The following EDIL3 variants were observed in gnomAD, a reference collection of about 807,000 sequenced individuals.
EDIL3 encodes the protein EGF-like repeat and discoidin I-like domain-containing protein 3.
A neutral mutation model predicts 67.4 loss-of-function variants in EDIL3; 37 were observed. The ratio of observed to expected loss-of-function variants is 0.55; its 90% CI spans 0.42 to 0.72. The LOEUF is 0.72. EDIL3 is among the 30% of genes least tolerant of loss of function. The pLI is 0.00. For missense variants in EDIL3, 527 were observed against 586.3 expected (o/e 0.90, Z 1.04); for synonymous variants, 195 against 196.3 (o/e 0.99, Z 0.05).
At chr5:84,332,416 T>C (rs985906257) in intron 1 of EDIL3, among the ~76,000 whole-genome samples, 4 of 152,196 alleles carry the variant, frequency 2.6e-5, no homozygotes, top group Non-Finnish European at 5.9e-5. Context: ...AATACTGCGA[T>C]GGTTGATTTT....
chr5:84,235,679 A>C (rs1420042904), intron 2 of EDIL3, among the ~76,000 whole-genome samples: 1 of 152,100 alleles, frequency 6.6e-6, no homozygotes, highest in Non-Finnish European at 1.5e-5. Context: ...TGTTTAATAC[A>C]GTCATTTGTA....
intron 6 of EDIL3, among the ~76,000 whole-genome samples, chr5:84,073,452 T>C (rs1041080447): frequency 9.9e-4 from 150 of 151,490 alleles, no homozygotes; most frequent in Middle Eastern, 6.8e-3. Flanking sequence ...AAAACCCCAT[T>C]GTCTCAGCCC....
chr5:84,112,058 TTGGTGGG>T (rs1233144190), intron 5 of EDIL3, among the ~76,000 whole-genome samples: 3 of 151,492 alleles, frequency 2.0e-5, no homozygotes, highest in Non-Finnish European at 2.9e-5. Flanking sequence ...TCAAGATGGG[TTGGTGGG>T]GGAATGGTTA....
intron 8 of EDIL3, among the ~76,000 whole-genome samples, chr5:84,063,819 C>A (rs973541810): frequency 6.6e-6 from 1 of 152,098 alleles, no homozygotes; most frequent in Non-Finnish European, 1.5e-5. Context: ...GCGGAGCACA[C>A]ACGCACTTTT....
intron 9 of EDIL3, among the ~76,000 whole-genome samples, chr5:83,999,344 A>T (rs1267621496): frequency 3.3e-5 from 5 of 152,166 alleles, no homozygotes; most frequent in Non-Finnish European, 7.3e-5. Flanking sequence ...AGATAATCAA[A>T]CTTTCAGACA....
At chr5:84,171,998 C>T (rs891390129) in intron 4 of EDIL3, among the ~76,000 whole-genome samples, 1 of 152,148 alleles carries the variant, frequency 6.6e-6, no homozygotes, top group Non-Finnish European at 1.5e-5. Context: ...AAACTATTAA[C>T]TTCAAATCTC....
intron 9 of EDIL3, among the ~76,000 whole-genome samples, chr5:84,025,042 A>G (rs1745787217): frequency 6.6e-6 from 1 of 152,054 alleles, no homozygotes; most frequent in Admixed American, 6.6e-5. Flanking sequence ...GCCCTCCAGT[A>G]GATATTTTTG....
chr5:84,253,076 C>A (rs1042125735), intron 2 of EDIL3, among the ~76,000 whole-genome samples: 1 of 152,050 alleles, frequency 6.6e-6, no homozygotes, highest in Non-Finnish European at 1.5e-5. Flanking sequence ...ATTATTCTTT[C>A]TTTCATTCAA....
intron 10 of EDIL3, among the ~76,000 whole-genome samples, chr5:83,949,029 T>C (rs189194353): frequency 2.0e-5 from 3 of 151,888 alleles, no homozygotes; most frequent in Non-Finnish European, 1.5e-5. Flanking sequence ...CTTTGGAAAA[T>C]AGTGATATTG....
intron 9 of EDIL3, among the ~76,000 whole-genome samples, chr5:84,056,150 T>G (rs1490526860): frequency 1.3e-5 from 2 of 152,082 alleles, no homozygotes; most frequent in Non-Finnish European, 2.9e-5. Context: ...CCATAAAAAA[T>G]GATGAGTTCA....
intron 10 of EDIL3, among the ~76,000 whole-genome samples, chr5:83,962,521 A>G: frequency 6.6e-6 from 1 of 151,606 alleles, no homozygotes; most frequent in Non-Finnish European, 1.5e-5. Flanking sequence ...CAAAATGCTA[A>G]ACATTAAAAA....
intron 10 of EDIL3, among the ~76,000 whole-genome samples, chr5:83,952,383 T>C (rs1000839232): frequency 5.3e-5 from 8 of 151,780 alleles, no homozygotes; most frequent in African/African-American, 1.9e-4. Context: ...CCTATAAAGA[T>C]TTATGAAACA....
chr5:84,123,071 A>T (rs1747808132), intron 5 of EDIL3, among the ~76,000 whole-genome samples: 1 of 151,848 alleles, frequency 6.6e-6, no homozygotes. Flanking sequence ...TTCTCTCTAC[A>T]ATTTAATAAC....
chr5:84,291,281 G>C (rs1745908775), intron 1 of EDIL3, among the ~76,000 whole-genome samples: 1 of 152,054 alleles, frequency 6.6e-6, no homozygotes, highest in Admixed American at 6.6e-5. Flanking sequence ...ATGATATTAG[G>C]ACATTTAATT....
intron 6 of EDIL3, among the ~76,000 whole-genome samples, chr5:84,081,784 T>G (rs1010925831): frequency 6.6e-6 from 1 of 152,312 alleles, no homozygotes. Context: ...TAATTGCTGT[T>G]GAAACATTTT....
At chr5:83,998,254 T>C (rs1293019401) in intron 9 of EDIL3, among the ~76,000 whole-genome samples, 1 of 152,072 alleles carries the variant, frequency 6.6e-6, no homozygotes, top group African/African-American at 2.4e-5. Context: ...AACTTGGACA[T>C]AGTAAAATAA....
rs528356063 is a variant in EDIL3 at position 84,137,164 on chromosome 5, T to C, written c.469+77A>G. ...GTACATAAAAATATATATGCATACA[T>C]ATATGTGTGTGTGTATACATACACA... On this transcript the variant is annotated intron_variant, in intron 5 of 10. Transcript: ENST00000296591. 78 of 998,172 alleles carry C rather than the reference T, an allele frequency of 7.8e-5. No homozygotes were observed. In the African/African-American group the frequency reaches 9.8e-4, roughly 13 times the overall value. 61.8% of individuals were successfully genotyped at this position (998,172 alleles called of 1,614,324 possible). A position where few individuals can be genotyped will look rare whatever the true frequency, so the allele number is the denominator to read the frequency against.
chr5:84,051,660 A>T (rs908787650), intron 9 of EDIL3, among the ~76,000 whole-genome samples: 1 of 152,374 alleles, frequency 6.6e-6, no homozygotes, highest in Admixed American at 6.5e-5. Flanking sequence ...TACGTGACAA[A>T]TGCACAAGCT....
chr5:84,381,937 A>G (rs757131960), intron 1 of EDIL3, among the ~76,000 whole-genome samples: 1 of 152,204 alleles, frequency 6.6e-6, no homozygotes, highest in Non-Finnish European at 1.5e-5. Context: ...TAGGGAAAAC[A>G]CCAATTTCTA....
Sources: allele counts gnomAD v4.1 joint callset (sites outside exome capture counted in the v4.1 genomes callset), GRCh38; gene constraint gnomAD v4.1.1; transcripts MANE v1.5; gene names NCBI Gene and HGNC (gene_info 2026-07-23, HGNC 2026-07-21).